Variants in ABCC8 observed in about 807,000 individuals in gnomAD.
ABCC8 encodes ATP binding cassette subfamily C member 8, also known as ATP-binding cassette sub-family C member 8.
A neutral mutation model predicts 188.0 loss-of-function variants in ABCC8; 137 were observed. The ratio of observed to expected loss-of-function variants is 0.73; its 90% CI spans 0.63 to 0.84. ABCC8 has a LOEUF of 0.84. Among genes scored for constraint, ABCC8 ranks in the 40% least tolerant of loss-of-function variants. The pLI, the probability that ABCC8 is intolerant of heterozygous loss-of-function variation, is 0.00. For synonymous variants in ABCC8, 797 were observed against 846.5 expected, an observed-to-expected ratio of 0.94 and a Z score of 1.01; for missense variants, 1,750 against 2,072.7, an observed-to-expected ratio of 0.84 and a Z score of 3.02.
intron 8 of ABCC8, among the ~76,000 whole-genome samples, chr11:17,447,871 A>G (rs1956599181): frequency 6.6e-6 from 1 of 152,246 alleles, no homozygotes; most frequent in African/African-American, 2.4e-5. Context: ...AAACACATAA[A>G]GAAAATAAAA....
At chr11:17,395,356 G>A (rs1163509614) in intron 35 of ABCC8, 81 bp from the exon 36 acceptor site, 9 of 1,548,524 alleles carry the variant, frequency 5.8e-6, no homozygotes, top group Non-Finnish European at 7.8e-6. Context: ...GGCAGTGAGC[G>A]AGAGCAGACT....
At position 17,427,225 on chromosome 11, in the gene ABCC8, G is replaced by T; in HGVS notation, c.2117-71C>A. On this transcript the variant is annotated intron_variant, in intron 15 of 38. Coordinates refer to ENST00000389817, the MANE Select transcript of ABCC8 (RefSeq NM_000352.6). This position sits in a 1 kb window ranked among gnomAD's most constrained non-coding sequence, Gnocchi z 5.0. Reference sequence around the variant, plus strand: ...TGAACAACCATTACCCAGAAAGACAGACAGACAGATGCACCCAACCCTGGG... The same window carrying T: ...TGAACAACCATTACCCAGAAAGACATACAGACAGATGCACCCAACCCTGGG... 6.7e-7 allele frequency: 1 copy of T among 1,482,972 alleles called. No homozygotes were observed. The highest frequency in any genetic ancestry group is 9.0e-7 in the Non-Finnish European group (1 of 1,113,520). The allele number at this position is 1,482,972 out of a possible 1,614,324, so 91.9% of individuals were successfully genotyped here.
Position 17,474,923 on chromosome 11 carries a change from G to A in ABCC8, c.253C>T (p.Leu85=), listed in dbSNP as rs1177558934. 3.1e-6 allele frequency: 5 copies of A among 1,614,094 alleles called. No homozygotes were observed. The highest frequency in any genetic ancestry group is 4.2e-6 in the Non-Finnish European group (5 of 1,180,052). ...ATGCCCTCTGCAATCTCACACACCA[G>A]GACGAAGAGCAGCATGAAGGTCAGG... The part of the protein sequence containing the change: ...WILTFMLLFV[L]VCEIAEGILS... Residue 85 remains leucine (L), a synonymous_variant, in exon 2 of 39, where the codon CTG becomes TTG. Coordinates refer to ENST00000389817, the MANE Select transcript of ABCC8 (RefSeq NM_000352.6).
At chr11:17,441,063 G>A (rs1956298743) in intron 10 of ABCC8, among the ~76,000 whole-genome samples, 1 of 152,170 alleles carries the variant, frequency 6.6e-6, no homozygotes, top group Non-Finnish European at 1.5e-5. Context: ...CCCACCAGGT[G>A]TGTCTCTTCC....
rs746973136 is a variant in ABCC8, at chr11:17,466,138, C to T, written c.413-2534G>A. 3.9e-5 allele frequency among the ~76,000 whole-genome samples: 6 copies of T among 152,212 alleles called. No homozygotes were observed. The South Asian group carries it at 6.2e-4, about 16-fold the overall frequency. On this transcript the variant is annotated intron_variant, in intron 3 of 38. Coordinates refer to ENST00000389817, the MANE Select transcript of ABCC8 (RefSeq NM_000352.6). ...CAAATAGGCCAGGCAAGGTGGCTCT[C>T]GCCTGTAATCCGAGCACTTTGGGAG...
At chr11:17,459,954 A>T (rs1160037264) in intron 6 of ABCC8, among the ~76,000 whole-genome samples, 1 of 152,224 alleles carries the variant, frequency 6.6e-6, no homozygotes. Flanking sequence ...AAAGTCCAAC[A>T]TATTAATAAA....
At position 17,427,811 on chromosome 11, in the gene ABCC8, A is replaced by C. The variant is rs1312794099; in HGVS notation, c.2116+56T>G. The C allele has an allele frequency of 6.2e-6, 10 of 1,601,802 alleles. No individual in the cohort carries two copies. Among genetic ancestry groups the C allele is most frequent in the Non-Finnish European group, 8.5e-6 (10 of 1,172,802 alleles). On this transcript the variant is annotated intron_variant, in intron 15 of 38. Coordinates refer to ENST00000389817, the MANE Select transcript of ABCC8 (RefSeq NM_000352.6). This position sits in a 1 kb window ranked among gnomAD's most constrained non-coding sequence, Gnocchi z 5.0. ...AATGCAGCTTTGTCTTTTTATCTCT[A>C]TGTTATTCAGTGGGACATGGGGAGG...
At chr11:17,397,470 G>A (rs547390447) in intron 31 of ABCC8, 157 bp from the exon 32 acceptor site, 2 of 1,481,064 alleles carry the variant, frequency 1.4e-6, no homozygotes, top group Non-Finnish European at 1.8e-6. Flanking sequence ...TGGAGGCACA[G>A]GGAGGGTCAG....
chr11:17,464,573 G>A (rs916506413), intron 3 of ABCC8, among the ~76,000 whole-genome samples: 4 of 152,244 alleles, frequency 2.6e-5, no homozygotes, highest in Non-Finnish European at 4.4e-5. Context: ...TTAGTGCAGT[G>A]AGCCTCACAC....
At chr11:17,443,415 C>T (rs1956403198) in intron 8 of ABCC8, 103 bp from the exon 9 acceptor site, 1 of 1,590,504 alleles carries the variant, frequency 6.3e-7, no homozygotes, top group African/African-American at 1.3e-5. Flanking sequence ...GTGGGACAAG[C>T]CTTGGTGCCC....
chr11:17,393,538 CT>C (rs917949640), intron 38 of ABCC8, among the ~76,000 whole-genome samples, 158 bp downstream of exon 38: 1 of 152,148 alleles, frequency 6.6e-6, no homozygotes, highest in South Asian at 2.1e-4. Context: ...CCCAGGCTCC[CT>C]GCATGCCCTC....
At chr11:17,468,009 G>A (rs1848264808) in intron 3 of ABCC8, among the ~76,000 whole-genome samples, 1 of 98,582 alleles carries the variant, frequency 1.0e-5, no homozygotes, top group Non-Finnish European at 2.0e-5. Flanking sequence ...TGGTCAGCCA[G>A]GCCCTGGTTA....
intron 29 of ABCC8, among the ~76,000 whole-genome samples, chr11:17,400,339 T>C (rs2074310): frequency 0.71 from 108,234 of 152,026 alleles, 39,806 homozygotes; most frequent in African/African-American, 0.92. Flanking sequence ...GGCATGTGCG[T>C]GTTATAGGAG....
chr11:17,430,936 G>A lies in ABCC8; in HGVS notation c.1695C>T (p.Phe565=). The A allele has an allele frequency of 6.2e-7, 1 of 1,614,252 alleles. No homozygotes were observed. Among genetic ancestry groups the A allele is most frequent in the South Asian group, 1.1e-5 (1 of 91,092 alleles). The change falls in exon 12 of 39, where the codon TTC becomes TTT. Residue 565 remains phenylalanine, a synonymous_variant. Coordinates refer to ENST00000389817, the MANE Select transcript of ABCC8 (RefSeq NM_000352.6). ...AGGGCGAGAAGTCGGCCTCTTTGAAGAAGCTGACGTGGCCCACGAAAGTCT... is the reference window on the plus strand; with the variant it reads ...AGGGCGAGAAGTCGGCCTCTTTGAAAAAGCTGACGTGGCCCACGAAAGTCT... ...VLITFVGHVS[F]FKEADFSPSV...
rs1189368827 is a variant in ABCC8, at chr11:17,404,564, G to A, written c.3505C>T (p.Pro1169Ser). The A allele has an allele frequency of 3.1e-6, 5 of 1,614,096 alleles. No individual in the cohort carries two copies. The highest frequency in any genetic ancestry group is 2.7e-5 in the African/African-American group (2 of 75,024). ...VTPVFLVALL[P>S]LAIVCYFIQK... ...ATGAAGTAGCACACGATGGCCAGGGGCAAGAGGGCCACGAGGAACACAGGT... is the reference window on the plus strand; with the variant it reads ...ATGAAGTAGCACACGATGGCCAGGGACAAGAGGGCCACGAGGAACACAGGT... Residue 1169 changes from proline (P) to serine (S), a missense_variant, in exon 28 of 39, where the codon CCC becomes TCC. Coordinates refer to ENST00000389817, the MANE Select transcript of ABCC8 (RefSeq NM_000352.6). The surrounding 1 kb of genome is among the most constrained non-coding windows in gnomAD (Gnocchi z 4.7).
At chr11:17,410,094 C>T (rs762765354) in intron 22 of ABCC8, among the ~76,000 whole-genome samples, 4 of 152,092 alleles carry the variant, frequency 2.6e-5, no homozygotes, top group Non-Finnish European at 4.4e-5. Context: ...TCCATATTTC[C>T]CATATGATTC....
intron 10 of ABCC8, among the ~76,000 whole-genome samples, chr11:17,440,868 C>T (rs1172006705): frequency 6.6e-6 from 1 of 152,202 alleles, no homozygotes; most frequent in Admixed American, 6.5e-5. Context: ...GCCCATGTTT[C>T]CAAACTGTCT....
At chr11:17,450,129 G>C (rs1010985358) in intron 7 of ABCC8, among the ~76,000 whole-genome samples, 1 of 152,162 alleles carries the variant, frequency 6.6e-6, no homozygotes, top group Non-Finnish European at 1.5e-5. Flanking sequence ...TGCACAAAGC[G>C]TGGTTATTCT....
chr11:17,408,192 G>A (rs931174899), intron 23 of ABCC8, 200 bp downstream of exon 23: 3 of 552,930 alleles, frequency 5.4e-6, no homozygotes, highest in Non-Finnish European at 9.6e-6. Context: ...TAAGGCGAAG[G>A]TGCCCACCTG....
Sources: gnomAD v4.1 joint callset for allele counts (sites outside exome capture counted in the v4.1 genomes callset) on GRCh38, gnomAD v4.1.1 for gene constraint, Gnocchi (gnomAD v3.1) non-coding constraint, MANE v1.5 for transcripts, NCBI Gene and HGNC (gene_info 2026-07-23, HGNC 2026-07-21) for gene names.